Variants in CIB2 observed in about 807,000 individuals in gnomAD.
CIB2 encodes the protein calcium and integrin-binding family member 2.
Under a neutral mutation model 23.1 loss-of-function variants are expected in CIB2, and 19 were observed. That is an observed-to-expected ratio of 0.82 (90% CI 0.57 to 1.21). The LOEUF (loss-of-function observed/expected upper bound fraction) is 1.21. Ranked by LOEUF, CIB2 falls within the 50% of genes most tolerant of loss-of-function variation. The pLI, the probability that CIB2 is intolerant of heterozygous loss-of-function variation, is 0.00. For missense variants in CIB2, 220 were observed against 241.5 expected (o/e 0.91, Z 0.59); for synonymous variants, 94 against 91.7 (o/e 1.03, Z -0.14).
At chr15:78,120,587 T>G (rs1354130201) in intron 2 of CIB2, 9 of 984,642 alleles carry the variant, frequency 9.1e-6, no homozygotes, top group Non-Finnish European at 1.1e-5. Context: ...GCAAGGTGAC[T>G]GAATAGGGTG....
chr15:78,113,015 C>A lies in CIB2; in HGVS notation c.87-1739G>T, dbSNP rs548557967. Among the ~76,000 whole-genome samples the A allele has an allele frequency of 8.7e-4, 132 of 152,354 alleles. 1 individual carries two copies. Among genetic ancestry groups the A allele is most frequent in the Non-Finnish European group, 1.6e-3 (107 of 68,022 alleles). ...TACTTATTTTAATCCCCAAATCACC[C>A]TGAGAGGTAGATATTAGTCTCCCAT... is the stretch of plus-strand genomic sequence containing the variant. On this transcript the variant is annotated intron_variant, in intron 2 of 5. Transcript: ENST00000258930.
chr15:78,127,457 A>G (rs8040893), intron 1 of CIB2, among the ~76,000 whole-genome samples: 3,034 of 152,302 alleles, frequency 0.02, 93 homozygotes, highest in African/African-American at 0.069. Context: ...GAACATTGGC[A>G]GCAGAAAACA....
chr15:78,126,947 G>A (rs1223426084), intron 1 of CIB2, among the ~76,000 whole-genome samples: 1 of 152,126 alleles, frequency 6.6e-6, no homozygotes, highest in African/African-American at 2.4e-5. Flanking sequence ...AGTGTGGCAG[G>A]GGAAAAGGTT....
At chr15:78,120,651 A>G (rs1269967437) in intron 2 of CIB2, 1 of 976,062 alleles carries the variant, frequency 1.0e-6, no homozygotes, top group Non-Finnish European at 1.2e-6. Flanking sequence ...CTGGGGAGCA[A>G]TCGGATCTAC....
Position 78,105,723 on chromosome 15 carries a change from C to T in CIB2, c.542+16G>A. On this transcript the variant is annotated intron_variant, in intron 5 of 5. Transcript: ENST00000258930. The stretch of plus-strand genomic sequence containing the variant: ...TGCTCTGCCCTGCCCAAGCCCGGCC[C>T]CTGTAGTGGCAGCACCTGAGGAAGT... 6.2e-7 allele frequency: 1 copy of T among 1,613,866 alleles called. No homozygotes were observed. Among genetic ancestry groups the T allele is most frequent in the Non-Finnish European group, 8.5e-7 (1 of 1,179,940 alleles).
chr15:78,111,974 C>T (rs1269048562), intron 2 of CIB2, among the ~76,000 whole-genome samples: 1 of 152,160 alleles, frequency 6.6e-6, no homozygotes, highest in African/African-American at 2.4e-5. Context: ...CACCCATAAA[C>T]TCTCTAACTG....
chr15:78,106,822 A>G (rs1310591604), intron 4 of CIB2, among the ~76,000 whole-genome samples: 1 of 152,122 alleles, frequency 6.6e-6, no homozygotes, highest in Non-Finnish European at 1.5e-5. Context: ...AAACTCTGAC[A>G]TTAATGGTAG....
chr15:78,105,319 G>A lies in CIB2; in HGVS notation c.556C>T (p.Arg186Trp), dbSNP rs370359511. ...CAGCCTCGGCAGTGTCCTCAGATCC[G>A]GATGTGGAAAGTGCTAGAAAGAGAG... Reference protein sequence around the residue: ...APDFLSTFHIRI With the variant: ...APDFLSTFHIWI The change falls in exon 6 of 6, where the codon CGG becomes TGG. Residue 186 changes from arginine (R) to tryptophan (W), a missense_variant. Physicochemically the swap from Arg to Trp is moderately radical, Grantham distance 101. Coordinates refer to ENST00000258930, the MANE Select transcript of CIB2 (RefSeq NM_006383.4). The A allele has an allele frequency of 5.3e-5, 86 of 1,614,024 alleles. No homozygotes were observed. In the African/African-American group the frequency reaches 7.5e-4, roughly 14 times the overall value.
intron 1 of CIB2, among the ~76,000 whole-genome samples, chr15:78,124,518 G>A (rs2074358606): frequency 6.6e-6 from 1 of 152,136 alleles, no homozygotes; most frequent in Non-Finnish European, 1.5e-5. Context: ...AGCTTGGCCT[G>A]CCCAAGGTGA....
rs745660964 is a variant in CIB2, at chr15:78,105,306, T to C, written c.*5A>G. The C allele has an allele frequency of 8.1e-6, 13 of 1,613,924 alleles. No homozygotes were observed. In the East Asian group the frequency reaches 2.7e-4, roughly 33 times the overall value. ...TTCTAGGCCCCTACAGCCTCGGCAG[T>C]GTCCTCAGATCCGGATGTGGAAAGT... is the stretch of plus-strand genomic sequence containing the variant. On this transcript the variant is annotated 3_prime_UTR_variant, in exon 6 of 6. Coordinates refer to ENST00000258930, the MANE Select transcript of CIB2 (RefSeq NM_006383.4).
At chr15:78,122,248 T>A (rs1258123659) in intron 2 of CIB2, among the ~76,000 whole-genome samples, 1 of 152,114 alleles carries the variant, frequency 6.6e-6, no homozygotes, top group Non-Finnish European at 1.5e-5. Flanking sequence ...GAAGGATGCA[T>A]AGCAATGCTG....
chr15:78,111,371 A>G, intron 2 of CIB2, 95 bp from the exon 3 acceptor site: 1 of 965,078 alleles, frequency 1.0e-6, no homozygotes, highest in Non-Finnish European at 1.6e-6. Flanking sequence ...CCTCTGCAGA[A>G]CATCCTCAGC....
At chr15:78,114,506 C>G (rs1007950058) in intron 2 of CIB2, among the ~76,000 whole-genome samples, 7 of 152,064 alleles carry the variant, frequency 4.6e-5, no homozygotes, top group African/African-American at 1.7e-4. Flanking sequence ...GAACTGCCCC[C>G]GAGTATGAGG....
intron 1 of CIB2, 60 bp from the exon 2 acceptor site, chr15:78,123,799 G>A (rs1242294917): frequency 6.3e-7 from 1 of 1,594,810 alleles, no homozygotes; most frequent in Non-Finnish European, 8.6e-7. Context: ...TTCTTCCTCA[G>A]AGGCCTCGAT....
intron 3 of CIB2, 89 bp from the exon 4 acceptor site, chr15:78,109,471 G>C (rs1175144672): frequency 6.7e-7 from 1 of 1,486,248 alleles, no homozygotes; most frequent in Non-Finnish European, 9.3e-7. Flanking sequence ...TGTGACCCTG[G>C]AGGAGTGACC....
intron 2 of CIB2, 120 bp from the exon 3 acceptor site, chr15:78,111,396 G>A: frequency 1.4e-6 from 1 of 734,772 alleles, no homozygotes; most frequent in Non-Finnish European, 2.2e-6. Flanking sequence ...ACCAGGTAAG[G>A]GGCCAATGGG....
intron 1 of CIB2, among the ~76,000 whole-genome samples, chr15:78,127,366 G>A (rs944144472): frequency 2.0e-5 from 3 of 152,136 alleles, no homozygotes; most frequent in Admixed American, 6.5e-5. Context: ...CAGGTCTTCC[G>A]GCAAAGGTCA....
intron 1 of CIB2, among the ~76,000 whole-genome samples, chr15:78,129,907 G>A (rs142851017): frequency 6.6e-6 from 1 of 152,320 alleles, no homozygotes; most frequent in East Asian, 1.9e-4. Flanking sequence ...ATCAATTACT[G>A]TGCCTGGTAC....
chr15:78,130,271 G>T (rs2074436052), intron 1 of CIB2, among the ~76,000 whole-genome samples: 1 of 152,166 alleles, frequency 6.6e-6, no homozygotes, highest in African/African-American at 2.4e-5. Context: ...CCAGGCCCAG[G>T]AAATGGCATG....
Sources: gnomAD v4.1 joint callset for allele counts (sites outside exome capture counted in the v4.1 genomes callset) on GRCh38, gnomAD v4.1.1 for gene constraint, MANE v1.5 for transcripts, NCBI Gene and HGNC (gene_info 2026-07-23, HGNC 2026-07-21) for gene names.